SHANK1: variants seen among roughly 807,000 people sequenced by gnomAD.
SHANK1 encodes SH3 and multiple ankyrin repeat domains protein 1.
In SHANK1, 35 loss-of-function variants were observed where a neutral mutation model predicts 165.6. The ratio of observed to expected loss-of-function variants is 0.21; its 90% CI spans 0.16 to 0.28. The LOEUF (loss-of-function observed/expected upper bound fraction) is 0.28. SHANK1 is among the 10% of genes least tolerant of loss of function. The pLI, the probability that SHANK1 is intolerant of heterozygous loss-of-function variation, is 1.00. For missense variants in SHANK1, 2,681 were observed against 3,036.4 expected, an observed-to-expected ratio of 0.88 and a Z score of 2.75; for synonymous variants, 1,428 against 1,384.8, an observed-to-expected ratio of 1.03 and a Z score of -0.69.
At chr19:50,669,669 T>C (rs984578742) in intron 22 of SHANK1, among the ~76,000 whole-genome samples, 5 of 152,174 alleles carry the variant, frequency 3.3e-5, no homozygotes, top group Non-Finnish European at 7.3e-5. Flanking sequence ...CGTGTTTCTT[T>C]TCACGTATAT....
In SHANK1 at chr19:50,702,302, ACTCTATGGTC is replaced by A. The variant is rs1369622526; in HGVS notation, c.1747+155_1747+164del. Among the ~76,000 whole-genome samples the A allele has an allele frequency of 6.6e-6, 1 of 151,654 alleles. No homozygotes were observed. The highest frequency in any genetic ancestry group is 1.5e-5 in the Non-Finnish European group (1 of 67,900). ...CTCCTGACAGGGTCATCTGAGCTAC[ACTCTATGGTC>A]CTCCAAGCCTCAAGGGGTGTCCTGG... On this transcript the variant is annotated intron_variant, in intron 12 of 23. Coordinates refer to ENST00000293441, the MANE Select transcript of SHANK1 (RefSeq NM_016148.5). The surrounding 1 kb of genome is among the most constrained non-coding windows in gnomAD (Gnocchi z 5.3).
rs781162076 is a variant in SHANK1 at position 50,717,200 on chromosome 19, C to T, written c.-43-238G>A. Among the ~76,000 whole-genome samples, 13 of 152,342 alleles carry T rather than the reference C, an allele frequency of 8.5e-5. No individual in the cohort carries two copies. Among genetic ancestry groups the T allele is most frequent in the Non-Finnish European group, 1.6e-4 (11 of 68,022 alleles). On this transcript the variant is annotated intron_variant, in intron 1 of 23. Coordinates refer to ENST00000293441, the MANE Select transcript of SHANK1 (RefSeq NM_016148.5). This position sits in a 1 kb window ranked among gnomAD's most constrained non-coding sequence, Gnocchi z 5.5. The stretch of plus-strand genomic sequence containing the variant: ...CATGTGTCTCCTTCCCTGCCCTTGG[C>T]CCCGCTTGCAGCCCGCCCCCTGCGC...
intron 3 of SHANK1, among the ~76,000 whole-genome samples, chr19:50,715,943 G>A (rs1366192276): frequency 8.5e-5 from 13 of 152,150 alleles, no homozygotes; most frequent in Admixed American, 8.5e-4. Flanking sequence ...TATGTGCACT[G>A]CAACCCCTGC....
intron 23 of SHANK1, among the ~76,000 whole-genome samples, chr19:50,665,566 CAAAAAAAAAAAA>C (rs141839934): frequency 4.2e-5 from 2 of 47,632 alleles, no homozygotes; most frequent in Non-Finnish European, 6.9e-5. Context: ...GACTCTGTCT[CAAAAAAAAAAAA>C]AAAAAAAAAA....
Position 50,716,802 on chromosome 19 carries a change from TCCC to T in SHANK1, c.115_117del (p.Gly39del), listed in dbSNP as rs1464012362. On this transcript the variant is annotated inframe_deletion, in exon 2 of 24. Transcript: ENST00000293441. This position sits in a 1 kb window ranked among gnomAD's most constrained non-coding sequence, Gnocchi z 8.4. ...GGTGCCCCACTGCCCTGGCCCCGGG[TCCC>T]CCGGGGGCCTCGACCTGGCCCGTCT... 6.3e-7 allele frequency: 1 copy of T among 1,591,788 alleles called. No homozygotes were observed. Among genetic ancestry groups the T allele is most frequent in the African/African-American group, 1.4e-5 (1 of 73,418 alleles).
At chr19:50,664,188 C>G (rs934111599) in intron 23 of SHANK1, among the ~76,000 whole-genome samples, 2 of 151,362 alleles carry the variant, frequency 1.3e-5, no homozygotes, top group Non-Finnish European at 2.9e-5. Context: ...TCCCTGAACC[C>G]ACATTTGAAG....
In SHANK1 at chr19:50,670,857, G is replaced by T. The variant is rs1189301232; in HGVS notation, c.2674+1161C>A. On this transcript the variant is annotated intron_variant, in intron 22 of 23. Transcript: ENST00000293441. This position sits in a 1 kb window ranked among gnomAD's most constrained non-coding sequence, Gnocchi z 4.1. ...CGCCCAGGCTGGAGTGCAATGGTGC[G>T]ATCTTTGCTCACTGCAACCTCTGCC... Among the ~76,000 whole-genome samples the T allele has an allele frequency of 2.0e-5, 3 of 151,794 alleles. No individual in the cohort carries two copies. Among genetic ancestry groups the T allele is most frequent in the South Asian group, 4.2e-4 (2 of 4,778 alleles).
rs1205869626 is a variant in SHANK1, at chr19:50,703,792, G to A, written c.1261C>T (p.Arg421Trp). 30 of 1,428,306 alleles carry A rather than the reference G, an allele frequency of 2.1e-5. No homozygotes were observed. The highest frequency in any genetic ancestry group is 7.2e-5 in the African/African-American group (5 of 69,086). 88.5% of individuals were successfully genotyped at this position (1,428,306 alleles called of 1,614,324 possible). Residue 421 changes from arginine to tryptophan, a missense_variant, in exon 11 of 24, where the codon CGG becomes TGG. This residue lies in a region of SHANK1 where 49 missense variants were observed against 55.6 expected (regional missense o/e 0.88). Coordinates refer to ENST00000293441, the MANE Select transcript of SHANK1 (RefSeq NM_016148.5). ...GTCAGCCCTGTGCCTGGGGGCCCCC[G>A]TCGCCGGGCCGCGTACTTGGGGGAC... Reference protein sequence around the residue: ...QESPKYAARRRGPPGTGLTVP... With the variant: ...QESPKYAARRWGPPGTGLTVP...
At chr19:50,691,187 G>A (rs1358338671) in intron 15 of SHANK1, among the ~76,000 whole-genome samples, 1 of 152,152 alleles carries the variant, frequency 6.6e-6, no homozygotes, top group Non-Finnish European at 1.5e-5. Flanking sequence ...AAAAGGGAGA[G>A]GGGAAGGGAG....
intron 15 of SHANK1, 21 bp from the exon 16 acceptor site, chr19:50,689,300 ATGGGGGGGTGG>A: frequency 1.9e-5 from 12 of 645,036 alleles, no homozygotes; most frequent in Non-Finnish European, 3.0e-5. Flanking sequence ...GGCAGGAGAA[ATGGGGGGGTGG>A]TGGGGGGAGT....
rs1985601883 is a variant in SHANK1 at position 50,667,765 on chromosome 19, C to T, written c.4195G>A (p.Ala1399Thr). 6 of 718,822 alleles carry T rather than the reference C, an allele frequency of 8.3e-6. No individual in the cohort carries two copies. Among genetic ancestry groups the T allele is most frequent in the East Asian group, 1.7e-4 (1 of 5,844 alleles). 44.5% of individuals were successfully genotyped at this position (718,822 alleles called of 1,614,324 possible). The change falls in exon 23 of 24, where the codon GCC becomes ACC. Residue 1399 changes from alanine to threonine, a missense_variant. Physicochemically the swap from Ala to Thr is moderately conservative, Grantham distance 58 (BLOSUM62 0). Coordinates refer to ENST00000293441, the MANE Select transcript of SHANK1 (RefSeq NM_016148.5). The surrounding 1 kb of genome is among the most constrained non-coding windows in gnomAD (Gnocchi z 5.7). Reference sequence around the variant, plus strand: ...AGACGCAGCACTGGCTCGTGGTGGGCGTGGGGCGAGTGGTGGTGCGGGGTG... The same window carrying T: ...AGACGCAGCACTGGCTCGTGGTGGGTGTGGGGCGAGTGGTGGTGCGGGGTG... The part of the protein sequence containing the change: ...PPTPHHHSPH[A>T]HHEPVLRLWG...
At chr19:50,671,605 G>C (rs1166838598) in intron 22 of SHANK1, among the ~76,000 whole-genome samples, 1 of 151,862 alleles carries the variant, frequency 6.6e-6, no homozygotes, top group Non-Finnish European at 1.5e-5. Flanking sequence ...ATGAGGGCAG[G>C]AACCTTTAGT....
chr19:50,718,139 G>A lies in SHANK1; in HGVS notation c.-43-1177C>T, dbSNP rs973186008. Among the ~76,000 whole-genome samples, 2 of 152,156 alleles carry A rather than the reference G, an allele frequency of 1.3e-5. No individual in the cohort carries two copies. The highest frequency in any genetic ancestry group is 4.8e-5 in the African/African-American group (2 of 41,432). On this transcript the variant is annotated intron_variant, in intron 1 of 23. Coordinates refer to ENST00000293441, the MANE Select transcript of SHANK1 (RefSeq NM_016148.5). The surrounding 1 kb of genome is among the most constrained non-coding windows in gnomAD (Gnocchi z 5.1). ...GAGTGGGGATGGGCTGGGGGGTTGG[G>A]AAAGGGAAGACTAAATGTGTGTGGT...
chr19:50,716,848 T>C lies in SHANK1; in HGVS notation c.72A>G (p.Ser24=). 6.5e-7 allele frequency: 1 copy of C among 1,545,198 alleles called. No homozygotes were observed. The highest frequency in any genetic ancestry group is 2.3e-5 in the East Asian group (1 of 43,746). Residue 24 remains serine (S), a synonymous_variant, in exon 2 of 24, where the codon TCA becomes TCG. Coordinates refer to ENST00000293441, the MANE Select transcript of SHANK1 (RefSeq NM_016148.5). This position sits in a 1 kb window ranked among gnomAD's most constrained non-coding sequence, Gnocchi z 8.4. Reference sequence around the variant, plus strand: ...GCCCGTCTGGGGAGCTGTCGGACTCTGAGCCCCCCTCGGGACACTCGCTGG... The same window carrying C: ...GCCCGTCTGGGGAGCTGTCGGACTCCGAGCCCCCCTCGGGACACTCGCTGG... The part of the protein sequence containing the change: ...HSASECPEGG[S]ESDSSPDGPG...
rs79686170 is a variant in SHANK1, at chr19:50,673,329, G to A, written c.2578-1215C>T. Among the ~76,000 whole-genome samples the A allele has an allele frequency of 5.5e-3, 841 of 152,084 alleles. 5 individuals are homozygous for A. The highest frequency in any genetic ancestry group is 0.019 in the African/African-American group (795 of 41,486). ...CACACGAAGACAGGTCCTGCAGGCG[G>A]GACCCAGCCCTGCCCCCATTTCCCA... On this transcript the variant is annotated intron_variant, in intron 21 of 23. Coordinates refer to ENST00000293441, the MANE Select transcript of SHANK1 (RefSeq NM_016148.5).
In SHANK1 at chr19:50,703,461, C is replaced by T. The variant is rs373918676; in HGVS notation, c.1553+39G>A. The T allele has an allele frequency of 3.6e-4, 537 of 1,494,096 alleles. 2 individuals carry two copies. The highest frequency in any genetic ancestry group is 1.5e-3 in the South Asian group (124 of 81,314). 92.6% of individuals were successfully genotyped at this position (1,494,096 alleles called of 1,614,324 possible). On this transcript the variant is annotated intron_variant, in intron 11 of 23. Transcript: ENST00000293441. ...CCGCCGATCTGGAGAGGGGATTTGA[C>T]GGGGCTGGGGACTGTGGAGCCAGGG...
Position 50,686,708 on chromosome 19 carries a change from C to G in SHANK1, c.2458+36G>C. The G allele has an allele frequency of 7.5e-6, 12 of 1,600,228 alleles. No homozygotes were observed. Among genetic ancestry groups the G allele is most frequent in the Non-Finnish European group, 1.0e-5 (12 of 1,169,744 alleles). ...GATGCAGCGGGTGCCGGGGCTGGGGCCCGGCATCCCGAGGAGCAGGGCTGG... is the reference window on the plus strand; with the variant it reads ...GATGCAGCGGGTGCCGGGGCTGGGGGCCGGCATCCCGAGGAGCAGGGCTGG... On this transcript the variant is annotated intron_variant, in intron 20 of 23. Transcript: ENST00000293441. This position sits in a 1 kb window ranked among gnomAD's most constrained non-coding sequence, Gnocchi z 5.7.
In SHANK1 at chr19:50,686,805, C is replaced by T. The variant is rs1297950054; in HGVS notation, c.2397G>A (p.Glu799=). The change falls in exon 20 of 24, where the codon GAG becomes GAA. Residue 799 remains glutamate (E), a synonymous_variant. Transcript: ENST00000293441. The surrounding 1 kb of genome is among the most constrained non-coding windows in gnomAD (Gnocchi z 5.7). ...MTSELEEMEY[E]QQPAPVPSME... ...TGCTGGGCACCGGCGCCGGCTGCTG[C>T]TCGTACTCTGTGGGCAAAGAACACG... is the stretch of plus-strand genomic sequence containing the variant. The T allele has an allele frequency of 1.1e-5, 18 of 1,613,782 alleles. No individual in the cohort carries two copies. Among genetic ancestry groups the T allele is most frequent in the Admixed American group, 1.7e-5 (1 of 60,004 alleles).
At chr19:50,689,558 G>A (rs938717691) in intron 15 of SHANK1, among the ~76,000 whole-genome samples, 8 of 152,066 alleles carry the variant, frequency 5.3e-5, no homozygotes, top group African/African-American at 1.9e-4. Flanking sequence ...GCACGGTGGG[G>A]AGGATGGGGA....
Sources: allele counts gnomAD v4.1 joint callset (sites outside exome capture counted in the v4.1 genomes callset), GRCh38; gene constraint gnomAD v4.1.1; regional missense constraint gnomAD v4.1.1; non-coding constraint Gnocchi (gnomAD v3.1); transcripts MANE v1.5; gene names NCBI Gene and HGNC (gene_info 2026-07-23, HGNC 2026-07-21).